Variants in TSPAN12 observed in about 807,000 individuals in gnomAD.
TSPAN12 encodes the protein tetraspanin-12.
TSPAN12 carries 19 observed loss-of-function variants against 39.2 expected under a neutral mutation model. The ratio of observed to expected loss-of-function variants is 0.49; its 90% CI spans 0.34 to 0.71. TSPAN12 has a LOEUF of 0.71. Ranked by LOEUF, TSPAN12 falls within the 30% of genes least tolerant of loss-of-function variation. TSPAN12 has a pLI of 0.01. For missense variants in TSPAN12, 314 were observed against 359.9 expected (o/e 0.87, Z 1.03); for synonymous variants, 119 against 124.8 (o/e 0.95, Z 0.31).
intron 6 of TSPAN12, among the ~76,000 whole-genome samples, chr7:120,809,235 T>C (rs190573370): frequency 4.6e-5 from 7 of 152,162 alleles, no homozygotes. Flanking sequence ...GCAGCTTCCA[T>C]CAGAAAAAAA....
intron 6 of TSPAN12, among the ~76,000 whole-genome samples, chr7:120,809,581 A>C (rs1015795705): frequency 3.3e-5 from 5 of 152,196 alleles, no homozygotes; most frequent in African/African-American, 1.2e-4. Context: ...ATCACGTAAG[A>C]CACTAATTCT....
At chr7:120,836,407 T>C (rs956968975) in intron 4 of TSPAN12, among the ~76,000 whole-genome samples, 3 of 152,136 alleles carry the variant, frequency 2.0e-5, no homozygotes, top group African/African-American at 4.8e-5. Flanking sequence ...AACCAAGATG[T>C]AGATGTCACC....
intron 2 of TSPAN12, among the ~76,000 whole-genome samples, chr7:120,843,098 G>A (rs1056704185): frequency 1.3e-4 from 20 of 151,964 alleles, no homozygotes; most frequent in African/African-American, 4.8e-4. Context: ...GGAGTCAATG[G>A]CCTATAAGTT....
intron 7 of TSPAN12, among the ~76,000 whole-genome samples, chr7:120,803,455 C>T (rs996235776): frequency 6.6e-6 from 1 of 152,098 alleles, no homozygotes; most frequent in Non-Finnish European, 1.5e-5. Flanking sequence ...CATATGTTCT[C>T]CAGGGCAAAG....
intron 4 of TSPAN12, among the ~76,000 whole-genome samples, chr7:120,818,629 CTT>C (rs1794130185): frequency 6.6e-6 from 1 of 152,002 alleles, no homozygotes; most frequent in African/African-American, 2.4e-5. Flanking sequence ...CTTCATATTT[CTT>C]TCATATAAAA....
At position 120,812,219 on chromosome 7, in the gene TSPAN12, AC is replaced by A. The variant is rs1770814430; in HGVS notation, c.361-1650del. On this transcript the variant is annotated intron_variant, in intron 5 of 7. Coordinates refer to ENST00000222747, the MANE Select transcript of TSPAN12 (RefSeq NM_012338.4). The stretch of plus-strand genomic sequence containing the variant: ...CATTGTTGTAATACAATACAATACA[AC>A]AGTCATTACTGGCCAGAAATCTGGT... 3.3e-5 allele frequency among the ~76,000 whole-genome samples: 5 copies of A among 152,306 alleles called. No individual in the cohort carries two copies. In the South Asian group the frequency reaches 1.0e-3, roughly 32 times the overall value.
chr7:120,788,972 A>T, intron 7 of TSPAN12, 75 bp from the exon 8 acceptor site: 1 of 1,445,164 alleles, frequency 6.9e-7, no homozygotes, highest in Non-Finnish European at 9.7e-7. Context: ...GAAAGCAAAC[A>T]ATCTGTATCA....
At chr7:120,802,202 C>T (rs899367457) in intron 7 of TSPAN12, among the ~76,000 whole-genome samples, 7 of 152,200 alleles carry the variant, frequency 4.6e-5, no homozygotes, top group Non-Finnish European at 1.0e-4. Flanking sequence ...CCAAGTCTTA[C>T]ACCTCGCATT....
intron 7 of TSPAN12, among the ~76,000 whole-genome samples, chr7:120,791,196 G>A (rs183956523): frequency 1.1e-4 from 16 of 152,144 alleles, no homozygotes; most frequent in Admixed American, 2.0e-4. Flanking sequence ...GGGCATGGTG[G>A]TGCATGCCTG....
At chr7:120,834,718 T>C (rs1016861469) in intron 4 of TSPAN12, among the ~76,000 whole-genome samples, 3 of 152,146 alleles carry the variant, frequency 2.0e-5, no homozygotes, top group Non-Finnish European at 4.4e-5. Flanking sequence ...TACAGGGAAA[T>C]GGACAAGTTG....
At chr7:120,794,255 C>T (rs1224226337) in intron 7 of TSPAN12, among the ~76,000 whole-genome samples, 3 of 152,150 alleles carry the variant, frequency 2.0e-5, no homozygotes, top group Non-Finnish European at 4.4e-5. Context: ...TGTTTCTTTG[C>T]TGACTCATTA....
At chr7:120,819,810 G>C (rs1355553495) in intron 4 of TSPAN12, among the ~76,000 whole-genome samples, 1 of 152,052 alleles carries the variant, frequency 6.6e-6, no homozygotes, top group African/African-American at 2.4e-5. Flanking sequence ...CTGAGTCCTT[G>C]ATAAAGTCAT....
chr7:120,806,212 C>T (rs1204356973), intron 7 of TSPAN12, among the ~76,000 whole-genome samples: 1 of 152,008 alleles, frequency 6.6e-6, no homozygotes, highest in East Asian at 1.9e-4. Context: ...ACTCCAAACC[C>T]TCTGCTTCTT....
intron 5 of TSPAN12, among the ~76,000 whole-genome samples, chr7:120,815,028 A>G (rs1426820701): frequency 1.3e-5 from 2 of 152,220 alleles, no homozygotes; most frequent in Non-Finnish European, 2.9e-5. Flanking sequence ...ATCATTTGTG[A>G]ATGTGAATCT....
At chr7:120,819,424 C>T (rs527458973) in intron 4 of TSPAN12, among the ~76,000 whole-genome samples, 2 of 152,176 alleles carry the variant, frequency 1.3e-5, no homozygotes, top group South Asian at 4.1e-4. Context: ...TCTGGGAAAA[C>T]TCCAAAATGA....
At chr7:120,828,040 T>G (rs1432266072) in intron 4 of TSPAN12, among the ~76,000 whole-genome samples, 1 of 152,194 alleles carries the variant, frequency 6.6e-6, no homozygotes, top group African/African-American at 2.4e-5. Flanking sequence ...ATTTTACTTA[T>G]AATGACATCT....
At chr7:120,809,859 C>A (rs1323648054) in intron 6 of TSPAN12, among the ~76,000 whole-genome samples, 4 of 152,042 alleles carry the variant, frequency 2.6e-5, no homozygotes, top group Non-Finnish European at 5.9e-5. Flanking sequence ...TAACCATAGG[C>A]TAAATGAAAT....
chr7:120,797,367 G>A (rs747895961), intron 7 of TSPAN12, among the ~76,000 whole-genome samples: 1 of 152,228 alleles, frequency 6.6e-6, no homozygotes, highest in Non-Finnish European at 1.5e-5. Flanking sequence ...ATATTTAAAA[G>A]GCAAAGTTGT....
At chr7:120,793,883 G>T (rs1206202185) in intron 7 of TSPAN12, among the ~76,000 whole-genome samples, 1 of 152,176 alleles carries the variant, frequency 6.6e-6, no homozygotes, top group African/African-American at 2.4e-5. Flanking sequence ...TCTCGATAAA[G>T]TAGTAGATAT....
Sources: gnomAD v4.1 joint callset for allele counts (sites outside exome capture counted in the v4.1 genomes callset) on GRCh38, gnomAD v4.1.1 for gene constraint, MANE v1.5 for transcripts, NCBI Gene and HGNC (gene_info 2026-07-23, HGNC 2026-07-21) for gene names.